Variants in RBFOX1 observed in about 807,000 individuals in gnomAD.
The protein encoded by RBFOX1 is RNA binding protein fox-1 homolog 1.
RBFOX1 carries 8 observed loss-of-function variants against 57.7 expected under a neutral mutation model. That is an observed-to-expected ratio of 0.14 (90% confidence interval 0.08 to 0.25). The LOEUF is 0.25. Among genes scored for constraint, RBFOX1 ranks in the 10% least tolerant of loss-of-function variants. RBFOX1 has a pLI of 1.00. For synonymous variants in RBFOX1, 326 were observed against 222.4 expected (o/e 1.47, Z -4.15); for missense variants, 611 against 548.5 (o/e 1.11, Z -1.14).
chr16:6,800,440 T>C (rs1467795619), intron 3 of RBFOX1, among the ~76,000 whole-genome samples: 3 of 152,132 alleles, frequency 2.0e-5, no homozygotes, highest in Non-Finnish European at 2.9e-5. Context: ...CTGGGGATCT[T>C]GCTAAATGCA....
chr16:6,179,368 A>G (rs2097043487), intron 1 of RBFOX1, among the ~76,000 whole-genome samples: 1 of 152,006 alleles, frequency 6.6e-6, no homozygotes, highest in African/African-American at 2.4e-5. Context: ...AGGTGGGGAG[A>G]TTGATGTTTA....
chr16:5,598,520 T>C (rs1313684251), intron 2 of RBFOX1, among the ~76,000 whole-genome samples: 1 of 152,180 alleles, frequency 6.6e-6, no homozygotes, highest in Non-Finnish European at 1.5e-5. Flanking sequence ...TTTTTAAACA[T>C]AGCAATATAT....
intron 4 of RBFOX1, among the ~76,000 whole-genome samples, chr16:7,212,908 T>C (rs1603254736): frequency 1.3e-5 from 2 of 152,308 alleles, no homozygotes; most frequent in East Asian, 3.9e-4. Flanking sequence ...GCAATAGTGG[T>C]TACATGTAAC....
intron 1 of RBFOX1, among the ~76,000 whole-genome samples, chr16:5,279,633 C>A (rs796093163): frequency 3.3e-5 from 5 of 152,268 alleles, no homozygotes; most frequent in African/African-American, 1.2e-4. Context: ...TCCCAAGTAG[C>A]TGGGATTACA....
At position 7,460,411 on chromosome 16, in the gene RBFOX1, GTGTGTGTA is replaced by G. The variant is rs1226978699; in HGVS notation, c.28-57734_28-57727del. ...TATATGTGTGTGTGTGTGTGTGTGT[GTGTGTGTA>G]TATACATATGTGTGTGTATATATGT... On this transcript the variant is annotated intron_variant, in intron 4 of 15. Coordinates refer to ENST00000550418, the MANE Select transcript of RBFOX1 (RefSeq NM_018723.4). 3.8e-4 allele frequency among the ~76,000 whole-genome samples: 34 copies of G among 88,796 alleles called. 1 individual carries two copies. The highest frequency in any genetic ancestry group is 2.3e-3 in the Admixed American group (19 of 8,368). 58.3% of individuals were successfully genotyped at this position (88,796 alleles called of 152,430 possible).
chr16:7,597,265 T>C (rs1469459745), intron 8 of RBFOX1, 106 bp from the exon 9 acceptor site: 1 of 747,702 alleles, frequency 1.3e-6, no homozygotes, highest in Non-Finnish European at 2.1e-6. Context: ...CATTTTACTT[T>C]TTAGTTTTCT....
At position 5,599,206 on chromosome 16, in the gene RBFOX1, C is replaced by T. The variant is rs887625794; in HGVS notation, c.563C>T (p.Thr188Ile). Residue 188 changes from threonine to isoleucine, a missense_variant, in exon 3 of 3, where the codon ACC becomes ATC. Physicochemically the swap from Thr to Ile is moderately conservative, Grantham distance 89. Coordinates refer to the RBFOX1 transcript ENST00000585867. ...GCTGTATTCTGTCCTCTAAAAAAGA[C>T]CAGGCCCACTTGGTGGACAGATCCG... 4 of 700,940 alleles carry T rather than the reference C, an allele frequency of 5.7e-6. 1 individual carries two copies. The highest frequency in any genetic ancestry group is 3.5e-5 in the African/African-American group (2 of 57,122). 43.4% of individuals were successfully genotyped at this position (700,940 alleles called of 1,614,324 possible).
chr16:6,935,476 T>C (rs1391877822), intron 3 of RBFOX1, among the ~76,000 whole-genome samples: 1 of 152,230 alleles, frequency 6.6e-6, no homozygotes, highest in East Asian at 1.9e-4. Context: ...GAATGATTAC[T>C]GTTGTCTTAA....
intron 4 of RBFOX1, among the ~76,000 whole-genome samples, chr16:5,879,636 C>T (rs534010100): frequency 6.6e-6 from 1 of 152,098 alleles, no homozygotes; most frequent in Non-Finnish European, 1.5e-5. Context: ...GATCTATTTT[C>T]TTATTTAGTT....
At chr16:5,957,507 G>C (rs1268727963) in intron 4 of RBFOX1, among the ~76,000 whole-genome samples, 2 of 152,180 alleles carry the variant, frequency 1.3e-5, no homozygotes, top group African/African-American at 4.8e-5. Context: ...TTACAGGCAT[G>C]AGTCGCCTTG....
chr16:6,547,731 A>T (rs1243543457), intron 2 of RBFOX1, among the ~76,000 whole-genome samples: 1 of 152,158 alleles, frequency 6.6e-6, no homozygotes, highest in South Asian at 2.1e-4. Flanking sequence ...CTACTCTGGG[A>T]TACATTTCGT....
chr16:6,357,056 T>G (rs1049462924), intron 2 of RBFOX1, among the ~76,000 whole-genome samples: 1 of 152,086 alleles, frequency 6.6e-6, no homozygotes, highest in Non-Finnish European at 1.5e-5. Flanking sequence ...GACCTCTATT[T>G]GGAGCAGTAT....
intron 3 of RBFOX1, among the ~76,000 whole-genome samples, chr16:6,859,081 C>T (rs2058415542): frequency 8.0e-6 from 1 of 125,376 alleles, no homozygotes; most frequent in South Asian, 2.5e-4. Flanking sequence ...TCCCTTAATA[C>T]CATCAGTGTT....
intron 3 of RBFOX1, among the ~76,000 whole-genome samples, chr16:5,799,398 A>T (rs529271310): frequency 6.6e-6 from 1 of 152,308 alleles, no homozygotes; most frequent in South Asian, 2.1e-4. Flanking sequence ...TGTGGAGAAG[A>T]TGACTGAAAA....
intron 2 of RBFOX1, among the ~76,000 whole-genome samples, chr16:6,562,094 A>G (rs2097186642): frequency 6.6e-6 from 1 of 152,192 alleles, no homozygotes; most frequent in African/African-American, 2.4e-5. Flanking sequence ...CTGCATTTCT[A>G]CTGATGTCGG....
At chr16:6,077,823 C>T (rs557645849) in intron 1 of RBFOX1, among the ~76,000 whole-genome samples, 2 of 151,930 alleles carry the variant, frequency 1.3e-5, no homozygotes, top group African/African-American at 2.4e-5. Context: ...CTCAAGTGAC[C>T]TCCCACCTCT....
At chr16:7,501,973 C>G (rs2071048742) in intron 4 of RBFOX1, among the ~76,000 whole-genome samples, 1 of 152,198 alleles carries the variant, frequency 6.6e-6, no homozygotes, top group Admixed American at 6.5e-5. Flanking sequence ...ATACCTAACT[C>G]CTGAAACAAT....
At chr16:6,956,344 G>A (rs753179814) in intron 3 of RBFOX1, among the ~76,000 whole-genome samples, 23 of 152,156 alleles carry the variant, frequency 1.5e-4, no homozygotes, top group Non-Finnish European at 2.6e-4. Flanking sequence ...ATTCCCCAAA[G>A]TATTTTGCTG....
intron 2 of RBFOX1, among the ~76,000 whole-genome samples, chr16:6,412,397 C>T (rs552823014): frequency 3.9e-5 from 6 of 152,192 alleles, no homozygotes; most frequent in African/African-American, 1.2e-4. Flanking sequence ...TAAAGGAGGC[C>T]TTATTAGTCT....
Sources: allele counts gnomAD v4.1 joint callset (sites outside exome capture counted in the v4.1 genomes callset), GRCh38; gene constraint gnomAD v4.1.1; transcripts MANE v1.5; gene names NCBI Gene and HGNC (gene_info 2026-07-23, HGNC 2026-07-21).